Variants in PDE12 observed in about 807,000 individuals in gnomAD.
The protein encoded by PDE12 is phosphodiesterase 12.
Under a neutral mutation model 45.4 loss-of-function variants are expected in PDE12, and 26 were observed. The ratio of observed to expected loss-of-function variants is 0.57; its 90% CI spans 0.42 to 0.79. The LOEUF (loss-of-function observed/expected upper bound fraction) is 0.79, where lower values mean the gene tolerates loss of function less well. Among genes scored for constraint, PDE12 ranks in the 30% least tolerant of loss-of-function variants. The pLI is 0.00. For missense variants in PDE12, 668 were observed against 790.0 expected, an observed-to-expected ratio of 0.85 and a Z score of 1.85; for synonymous variants, 283 against 323.9, an observed-to-expected ratio of 0.87 and a Z score of 1.36.
At chr3:57,599,574 A>T in the PDE12 span, among the ~76,000 whole-genome samples, 2 of 152,196 alleles carry the variant, frequency 1.3e-5, no homozygotes, top group Non-Finnish European at 2.9e-5. Context: ...AGTTATGCAA[A>T]ATAAATCGAA....
the PDE12 span, among the ~76,000 whole-genome samples, chr3:57,613,386 C>T: frequency 6.6e-6 from 1 of 151,146 alleles, no homozygotes; most frequent in South Asian, 2.1e-4. Flanking sequence ...CTCTGCTGCC[C>T]GGGTTCAGGT....
chr3:57,622,270 G>C, the PDE12 span, among the ~76,000 whole-genome samples: 5 of 152,096 alleles, frequency 3.3e-5, no homozygotes, highest in African/African-American at 1.2e-4. Flanking sequence ...TAAGCAAAAG[G>C]TTTGAGCACT....
At chr3:57,618,344 T>C in the PDE12 span, among the ~76,000 whole-genome samples, 1 of 152,192 alleles carries the variant, frequency 6.6e-6, no homozygotes, top group African/African-American at 2.4e-5. Context: ...ATCAATCATA[T>C]TTACAAATTT....
chr3:57,645,587 T>C, the PDE12 span: 1 of 1,150,726 alleles, frequency 8.7e-7, no homozygotes, highest in East Asian at 2.4e-5. Flanking sequence ...TATAAGCTTT[T>C]ATTACCAAAA....
the PDE12 span, chr3:57,584,540 G>C: frequency 7.7e-7 from 1 of 1,295,860 alleles, no homozygotes; most frequent in Non-Finnish European, 1.1e-6. Context: ...TAAATTTATA[G>C]TTCAAAACTA....
chr3:57,628,545 T>G, the PDE12 span, among the ~76,000 whole-genome samples: 4 of 152,204 alleles, frequency 2.6e-5, no homozygotes, highest in Admixed American at 6.5e-5. Flanking sequence ...TCTATGTAAA[T>G]TCATAATAAT....
chr3:57,584,050 G>A, the PDE12 span: 1 of 1,326,738 alleles, frequency 7.5e-7, no homozygotes, highest in Admixed American at 2.0e-5. Context: ...GCGTCATTAA[G>A]AAAATAAAAC....
chr3:57,621,569 T>C, the PDE12 span, among the ~76,000 whole-genome samples: 5 of 147,624 alleles, frequency 3.4e-5, no homozygotes, highest in East Asian at 8.1e-4. Context: ...ACTGGGGAGG[T>C]TGAGGCAGGA....
the PDE12 span, among the ~76,000 whole-genome samples, chr3:57,578,068 A>C: frequency 6.6e-6 from 1 of 151,786 alleles, no homozygotes; most frequent in Non-Finnish European, 1.5e-5. Flanking sequence ...AAACAAAAAA[A>C]CCCCATGAAT....
At chr3:57,628,876 G>C in the PDE12 span, 2 of 1,612,570 alleles carry the variant, frequency 1.2e-6, no homozygotes, top group African/African-American at 2.7e-5. Flanking sequence ...TGGATCCAGA[G>C]AAGTAAGTCC....
At chr3:57,630,310 A>G in the PDE12 span, 5 of 953,860 alleles carry the variant, frequency 5.2e-6, no homozygotes, top group Non-Finnish European at 7.5e-6. Flanking sequence ...AAAGTTAGTC[A>G]TCATTACTAT....
downstream of PDE12, chr3:57,571,430 T>C (rs2069841677): frequency 6.6e-6 from 1 of 152,630 alleles, no homozygotes; most frequent in African/African-American, 2.4e-5. Flanking sequence ...TTCATCGAAT[T>C]TGATGAGTTT....
chr3:57,578,206 C>T, the PDE12 span, among the ~76,000 whole-genome samples: 1 of 151,948 alleles, frequency 6.6e-6, no homozygotes, highest in Non-Finnish European at 1.5e-5. Context: ...TAACTTGCTT[C>T]AGAATGCTGC....
the PDE12 span, among the ~76,000 whole-genome samples, chr3:57,614,143 A>G: frequency 3.3e-5 from 5 of 152,160 alleles, no homozygotes; most frequent in East Asian, 1.9e-4. Context: ...CATGAACAAT[A>G]CTATCAGCCA....
chr3:57,639,969 A>C, the PDE12 span, among the ~76,000 whole-genome samples: 2 of 152,160 alleles, frequency 1.3e-5, no homozygotes, highest in African/African-American at 4.8e-5. Flanking sequence ...AAAAGGAACA[A>C]GTTTTAAAAG....
In PDE12 at chr3:57,556,554, A is replaced by G. The variant is rs1170203454; in HGVS notation, c.175A>G (p.Ser59Gly). The G allele has an allele frequency of 1.9e-6, 3 of 1,613,456 alleles. No individual in the cohort carries two copies. Among genetic ancestry groups the G allele is most frequent in the Non-Finnish European group, 1.7e-6 (2 of 1,180,006 alleles). ...CCTGTCATTCGCTTTGGCTGATGGTAGCCACAAGAACATGCAGCGCGACCA... is the reference window on the plus strand; with the variant it reads ...CCTGTCATTCGCTTTGGCTGATGGTGGCCACAAGAACATGCAGCGCGACCA... ...LSLSFALADG[S>G]HKNMQRDQSE... The change falls in exon 1 of 3, where the codon AGC (serine) becomes GGC (glycine). Residue 59 changes from serine to glycine, a missense_variant. This residue lies in a region of PDE12 where 580 missense variants were observed against 662.9 expected (regional missense o/e 0.87). Coordinates refer to ENST00000311180, the MANE Select transcript of PDE12 (RefSeq NM_177966.7). The surrounding 1 kb of genome is among the most constrained non-coding windows in gnomAD (Gnocchi z 5.0).
the PDE12 span, among the ~76,000 whole-genome samples, chr3:57,622,662 C>G: frequency 6.6e-6 from 1 of 151,960 alleles, no homozygotes; most frequent in Non-Finnish European, 1.5e-5. Flanking sequence ...TCTGTAATAG[C>G]CAAAAACTAG....
At chr3:57,583,864 A>C in the PDE12 span, 1 of 1,446,728 alleles carries the variant, frequency 6.9e-7, no homozygotes, top group African/African-American at 1.4e-5. Context: ...GAAACCCACA[A>C]AGAAAAGTTA....
the PDE12 span, among the ~76,000 whole-genome samples, chr3:57,615,547 G>C: frequency 6.6e-6 from 1 of 152,096 alleles, no homozygotes; most frequent in Admixed American, 6.6e-5. Flanking sequence ...TAGGCCAGGC[G>C]TGAGCCAGCA....
Sources: gnomAD v4.1 joint callset for allele counts (sites outside exome capture counted in the v4.1 genomes callset) on GRCh38, gnomAD v4.1.1 for gene constraint, gnomAD v4.1.1 regional missense constraint, Gnocchi (gnomAD v3.1) non-coding constraint, MANE v1.5 for transcripts, NCBI Gene and HGNC (gene_info 2026-07-23, HGNC 2026-07-21) for gene names.